The following TFCP2 variants were observed in gnomAD, a reference collection of about 807,000 sequenced individuals.
TFCP2 encodes transcription factor CP2, also known as alpha-globin transcription factor CP2.
TFCP2 carries 33 observed loss-of-function variants against 73.4 expected under a neutral mutation model. That is an observed-to-expected ratio of 0.45 (90% confidence interval 0.34 to 0.60). The LOEUF (loss-of-function observed/expected upper bound fraction) is 0.60. Among genes scored for constraint, TFCP2 ranks in the 20% least tolerant of loss-of-function variants. TFCP2 has a pLI of 0.01. For synonymous variants in TFCP2, 193 were observed against 211.6 expected, an observed-to-expected ratio of 0.91 and a Z score of 0.76; for missense variants, 352 against 604.0, an observed-to-expected ratio of 0.58 and a Z score of 4.37.
chr12:51,170,571 A>G (rs1471676826), intron 1 of TFCP2, among the ~76,000 whole-genome samples: 1 of 152,062 alleles, frequency 6.6e-6, no homozygotes, highest in Non-Finnish European at 1.5e-5. Context: ...GAGATCCTCC[A>G]GTCTCCACCC....
chr12:51,168,017 C>T (rs1205642248), intron 1 of TFCP2, among the ~76,000 whole-genome samples: 3 of 152,034 alleles, frequency 2.0e-5, no homozygotes, highest in African/African-American at 4.8e-5. Context: ...GCTACAATCA[C>T]GCCACTGCAC....
At chr12:51,119,911 G>A (rs1940617815) in intron 1 of TFCP2, among the ~76,000 whole-genome samples, 2 of 152,018 alleles carry the variant, frequency 1.3e-5, no homozygotes, top group African/African-American at 2.4e-5. Flanking sequence ...TAGGCCAGGT[G>A]CTCACGCCTG....
chr12:51,165,004 A>T (rs1451219443), intron 1 of TFCP2, among the ~76,000 whole-genome samples: 2 of 152,152 alleles, frequency 1.3e-5, no homozygotes, highest in Admixed American at 1.3e-4. Context: ...AGAATGGAAC[A>T]CTTCCTAACG....
intron 1 of TFCP2, among the ~76,000 whole-genome samples, chr12:51,153,883 G>T (rs1020379235): frequency 6.6e-6 from 1 of 152,106 alleles, no homozygotes; most frequent in Non-Finnish European, 1.5e-5. Context: ...CAATTGTCTT[G>T]AATATACACT....
At chr12:51,120,443 T>C (rs879278707) in intron 1 of TFCP2, among the ~76,000 whole-genome samples, 4 of 152,092 alleles carry the variant, frequency 2.6e-5, no homozygotes, top group African/African-American at 7.2e-5. Context: ...AGAACAATGG[T>C]TTCCTGGTGG....
intron 3 of TFCP2, among the ~76,000 whole-genome samples, chr12:51,117,048 C>T (rs1940545480): frequency 5.9e-5 from 9 of 152,180 alleles, no homozygotes; most frequent in Admixed American, 5.2e-4. Flanking sequence ...TGTTATACCA[C>T]GGCCTATCTG....
rs768526922 is a variant in TFCP2 at position 51,140,445 on chromosome 12, C to CTTTTTTTTTTT, written c.123-21684_123-21674dup. On this transcript the variant is annotated intron_variant, in intron 1 of 14. Coordinates refer to ENST00000257915, the MANE Select transcript of TFCP2 (RefSeq NM_005653.5). ...TCTTTTCTATCTTTCTTTTCTTTTT[C>CTTTTTTTTTTT]TTTTTTTTTTTTTTTTTTTTTGTAG... Among the ~76,000 whole-genome samples the CTTTTTTTTTTT allele has an allele frequency of 4.1e-3, 359 of 88,056 alleles. 2 individuals carry two copies. Among genetic ancestry groups the CTTTTTTTTTTT allele is most frequent in the East Asian group, 4.8e-3 (13 of 2,728 alleles). 57.8% of individuals were successfully genotyped at this position (88,056 alleles called of 152,430 possible).
rs556090265 is a variant in TFCP2, at chr12:51,131,208, G to A, written c.123-12436C>T. Among the ~76,000 whole-genome samples the A allele has an allele frequency of 6.7e-5, 10 of 150,182 alleles. No homozygotes were observed. The South Asian group carries it at 1.9e-3, about 29-fold the overall frequency. ...AAATTAGCTGGGTGTGGTGGCGGGC[G>A]CCTGTAGTCCCAGCTACTAGGGAGA... On this transcript the variant is annotated intron_variant, in intron 1 of 14. Coordinates refer to ENST00000257915, the MANE Select transcript of TFCP2 (RefSeq NM_005653.5).
At chr12:51,096,351 C>T (rs544831217) in intron 13 of TFCP2, among the ~76,000 whole-genome samples, 24 of 152,320 alleles carry the variant, frequency 1.6e-4, no homozygotes, top group African/African-American at 4.8e-4. Context: ...AACTGACTTC[C>T]GTGTCTTCAA....
chr12:51,120,647 G>A (rs1331343838), intron 1 of TFCP2, among the ~76,000 whole-genome samples: 2 of 151,936 alleles, frequency 1.3e-5, no homozygotes, highest in African/African-American at 4.8e-5. Context: ...AATAAAAGAG[G>A]GCTAGGTGTG....
In TFCP2 at chr12:51,107,219, A is replaced by C. The variant is rs1369329535; in HGVS notation, c.828+17T>G. On this transcript the variant is annotated intron_variant, in intron 7 of 14. Coordinates refer to ENST00000257915, the MANE Select transcript of TFCP2 (RefSeq NM_005653.5). ...AAAATTATGAACTGAAATTGTCACC[A>C]AAAGAAATCTTTTTACCTCTGTGAG... is the stretch of plus-strand genomic sequence containing the variant. 6.4e-6 allele frequency: 10 copies of C among 1,569,340 alleles called. No homozygotes were observed. The highest frequency in any genetic ancestry group is 1.2e-5 in the South Asian group (1 of 85,072).
rs1214763444 is a variant in TFCP2, at chr12:51,172,602, C to A, written c.-180G>T. 2.4e-5 allele frequency: 18 copies of A among 742,370 alleles called. No individual in the cohort carries two copies. Among genetic ancestry groups the A allele is most frequent in the Non-Finnish European group, 3.8e-5 (18 of 479,280 alleles). 46.0% of individuals were successfully genotyped at this position (742,370 alleles called of 1,614,324 possible). ...CTGTGCACAACTAATCTCCCGTACC[C>A]TTGGCTGCTCGTTCTTGGCTGCCCC... On this transcript the variant is annotated 5_prime_UTR_variant, in exon 1 of 15. In the 5' UTR this introduces an upstream ATG that the reference lacks. Coordinates refer to ENST00000257915, the MANE Select transcript of TFCP2 (RefSeq NM_005653.5).
intron 1 of TFCP2, among the ~76,000 whole-genome samples, chr12:51,148,401 G>A (rs1271449775): frequency 1.3e-5 from 2 of 152,194 alleles, no homozygotes; most frequent in Non-Finnish European, 2.9e-5. Flanking sequence ...CCATCAACAA[G>A]TGGATAAAGA....
At chr12:51,101,803 G>T in intron 11 of TFCP2, 132 bp downstream of exon 11, 1 of 531,248 alleles carries the variant, frequency 1.9e-6, no homozygotes, top group Non-Finnish European at 3.3e-6. Context: ...ATCTTTATTT[G>T]GTACATAGCT....
chr12:51,115,983 C>T (rs914680568), intron 4 of TFCP2, among the ~76,000 whole-genome samples: 2 of 151,992 alleles, frequency 1.3e-5, no homozygotes, highest in Non-Finnish European at 2.9e-5. Flanking sequence ...GATGGTTACA[C>T]AATAATGTGA....
chr12:51,113,995 G>A (rs993813505), intron 4 of TFCP2, among the ~76,000 whole-genome samples: 14 of 152,050 alleles, frequency 9.2e-5, no homozygotes, highest in Non-Finnish European at 1.9e-4. Flanking sequence ...ACTCTTAGGA[G>A]AAAACATATG....
At position 51,172,349 on chromosome 12, in the gene TFCP2, C is replaced by A; in HGVS notation, c.74G>T (p.Ser25Ile). ...CAGTTCCTGGCCGATCCCGGACAGG[C>A]TAGCATCAAAGTCCTGCACCAACCC... ...ESGLVQDFDA[S>I]LSGIGQELGA... Residue 25 changes from serine (S) to isoleucine (I), a missense_variant, in exon 1 of 15, where the codon AGC (serine) becomes ATC (isoleucine). Coordinates refer to ENST00000257915, the MANE Select transcript of TFCP2 (RefSeq NM_005653.5). 6.2e-7 allele frequency: 1 copy of A among 1,614,180 alleles called. No homozygotes were observed. The highest frequency in any genetic ancestry group is 8.5e-7 in the Non-Finnish European group (1 of 1,180,032).
chr12:51,103,378 G>A (rs971307083), intron 10 of TFCP2, among the ~76,000 whole-genome samples: 2 of 152,170 alleles, frequency 1.3e-5, no homozygotes, highest in African/African-American at 4.8e-5. Context: ...ACCTGCAAAT[G>A]CCCCCTTGAT....
intron 1 of TFCP2, among the ~76,000 whole-genome samples, chr12:51,126,940 T>G (rs1242431632): frequency 6.6e-6 from 1 of 152,206 alleles, no homozygotes; most frequent in Admixed American, 6.5e-5. Context: ...GGAGGAGACC[T>G]GGCAAGAAGA....
Sources: allele counts gnomAD v4.1 joint callset (sites outside exome capture counted in the v4.1 genomes callset), GRCh38; gene constraint gnomAD v4.1.1; transcripts MANE v1.5; gene names NCBI Gene and HGNC (gene_info 2026-07-23, HGNC 2026-07-21).